The following LAPTM4B variants were observed in gnomAD, a reference collection of about 807,000 sequenced individuals.
The protein encoded by LAPTM4B is lysosomal protein transmembrane 4 beta.
Under a neutral mutation model 28.5 loss-of-function variants are expected in LAPTM4B, and 26 were observed. The observed-to-expected ratio is 0.91, with a 90% CI of 0.67 to 1.27. LAPTM4B has a LOEUF of 1.27. LAPTM4B is among the 50% of genes most tolerant of loss of function. The probability of loss-of-function intolerance (pLI) is 0.00; values close to 1 mark genes in which losing one functional copy is unlikely to be tolerated. For synonymous variants in LAPTM4B, 109 were observed against 106.4 expected, an observed-to-expected ratio of 1.02 and a Z score of -0.15; for missense variants, 288 against 285.8, an observed-to-expected ratio of 1.01 and a Z score of -0.06.
intron 1 of LAPTM4B, among the ~76,000 whole-genome samples, chr8:97,791,770 A>G (rs1307541192): frequency 1.3e-5 from 2 of 152,166 alleles, no homozygotes; most frequent in African/African-American, 4.8e-5. Context: ...TGAAAACTTT[A>G]TGCACCTGTA....
intron 1 of LAPTM4B, among the ~76,000 whole-genome samples, chr8:97,792,126 G>C (rs1026615339): frequency 2.6e-5 from 4 of 152,140 alleles, no homozygotes; most frequent in Non-Finnish European, 5.9e-5. Flanking sequence ...TAACCAAAGA[G>C]ACCATCCTTT....
At chr8:97,843,598 G>A (rs985279100) in intron 6 of LAPTM4B, among the ~76,000 whole-genome samples, 2 of 152,072 alleles carry the variant, frequency 1.3e-5, no homozygotes, top group African/African-American at 2.4e-5. Flanking sequence ...TGGCCAACAC[G>A]GTGAAACTCT....
chr8:97,803,371 C>G (rs1816717034), intron 1 of LAPTM4B, among the ~76,000 whole-genome samples: 1 of 151,722 alleles, frequency 6.6e-6, no homozygotes, highest in Admixed American at 6.6e-5. Flanking sequence ...CTCTGCCTCC[C>G]TGGTTGAAGT....
chr8:97,790,638 G>A (rs927768807), intron 1 of LAPTM4B, among the ~76,000 whole-genome samples: 4 of 151,958 alleles, frequency 2.6e-5, no homozygotes, highest in African/African-American at 7.2e-5. Context: ...TGGAAATGGG[G>A]TTTCACCACA....
chr8:97,776,231 C>A, intron 1 of LAPTM4B, 123 bp downstream of exon 1: 1 of 1,174,764 alleles, frequency 8.5e-7, no homozygotes, highest in Non-Finnish European at 1.1e-6. Flanking sequence ...TTATTAGAAA[C>A]TTAATTCTCC....
Position 97,823,292 on chromosome 8 carries a change from T to G in LAPTM4B, c.508-1766T>G, listed in dbSNP as rs573255090. Among the ~76,000 whole-genome samples the G allele has an allele frequency of 5.3e-5, 8 of 152,270 alleles. No homozygotes were observed. The South Asian group carries it at 1.7e-3, about 32-fold the overall frequency. On this transcript the variant is annotated intron_variant, in intron 5 of 6. Coordinates refer to ENST00000521545, the MANE Select transcript of LAPTM4B (RefSeq NM_018407.6). ...ATGCATGTGGCCTTGCAAAGGCCCTTGAGAATGCCTATTCTGGGCATTCCA... is the reference window on the plus strand; with the variant it reads ...ATGCATGTGGCCTTGCAAAGGCCCTGGAGAATGCCTATTCTGGGCATTCCA...
At chr8:97,811,045 T>C (rs1360881125) in intron 2 of LAPTM4B, among the ~76,000 whole-genome samples, 1 of 152,174 alleles carries the variant, frequency 6.6e-6, no homozygotes, top group South Asian at 2.1e-4. Flanking sequence ...GAATTGCAAA[T>C]TACAGCTACA....
intron 2 of LAPTM4B, among the ~76,000 whole-genome samples, chr8:97,807,540 A>G (rs547410286): frequency 6.6e-6 from 1 of 152,346 alleles, no homozygotes; most frequent in South Asian, 2.1e-4. Context: ...CTAGATTGTT[A>G]TGGCTGGAAC....
At chr8:97,836,008 C>T (rs922589395) in intron 6 of LAPTM4B, among the ~76,000 whole-genome samples, 1 of 152,092 alleles carries the variant, frequency 6.6e-6, no homozygotes, top group Non-Finnish European at 1.5e-5. Flanking sequence ...GCTGCATGCT[C>T]CTTTTGAGAA....
chr8:97,806,110 A>G lies in LAPTM4B; in HGVS notation c.211+646A>G, dbSNP rs78018191. 6.1e-3 allele frequency among the ~76,000 whole-genome samples: 930 copies of G among 152,348 alleles called. 7 individuals are homozygous for G. The highest frequency in any genetic ancestry group is 0.021 in the African/African-American group (876 of 41,588). ...AACTTCAAGTGAGTTTTTCTTAAAA[A>G]GTGTTGGAGCAAAGTAAGAGAGGAG... On this transcript the variant is annotated intron_variant, in intron 2 of 6. Coordinates refer to ENST00000521545, the MANE Select transcript of LAPTM4B (RefSeq NM_018407.6).
chr8:97,787,189 G>A (rs1001248058), intron 1 of LAPTM4B, among the ~76,000 whole-genome samples: 7 of 152,048 alleles, frequency 4.6e-5, no homozygotes, highest in African/African-American at 1.7e-4. Context: ...TTTTAAGGAT[G>A]TGAAATGGAA....
chr8:97,818,204 G>A (rs1010016541), intron 4 of LAPTM4B, among the ~76,000 whole-genome samples: 27 of 152,354 alleles, frequency 1.8e-4, no homozygotes, highest in African/African-American at 6.5e-4. Context: ...CAAGTGAAAG[G>A]AGACTGAAAA....
intron 6 of LAPTM4B, among the ~76,000 whole-genome samples, chr8:97,840,325 T>G (rs1470667176): frequency 6.6e-6 from 1 of 152,250 alleles, no homozygotes; most frequent in Non-Finnish European, 1.5e-5. Context: ...TTGAGTACAA[T>G]CTGTATCAAA....
At chr8:97,815,207 A>C (rs1271000429) in intron 2 of LAPTM4B, 121 bp from the exon 3 acceptor site, 5 of 718,486 alleles carry the variant, frequency 7.0e-6, no homozygotes, top group Non-Finnish European at 9.8e-6. Context: ...TCTTAGTATA[A>C]AGTATTTACT....
chr8:97,838,864 A>G (rs544173741), intron 6 of LAPTM4B, among the ~76,000 whole-genome samples: 1 of 152,300 alleles, frequency 6.6e-6, no homozygotes, highest in South Asian at 2.1e-4. Flanking sequence ...TAACTCAGAA[A>G]AGGGGCGGAA....
chr8:97,804,725 G>T (rs1031733876), intron 1 of LAPTM4B, among the ~76,000 whole-genome samples: 2 of 152,202 alleles, frequency 1.3e-5, no homozygotes, highest in African/African-American at 4.8e-5. Context: ...AGATGTTAAA[G>T]AAGGTGATTG....
At chr8:97,794,861 C>T (rs1352920848) in intron 1 of LAPTM4B, among the ~76,000 whole-genome samples, 1 of 151,988 alleles carries the variant, frequency 6.6e-6, no homozygotes, top group Non-Finnish European at 1.5e-5. Context: ...TTACAGGCAC[C>T]CGCCACCATG....
At chr8:97,819,066 T>C in intron 4 of LAPTM4B, 74 bp from the exon 5 acceptor site, 1 of 899,788 alleles carries the variant, frequency 1.1e-6, no homozygotes, top group East Asian at 2.4e-5. Flanking sequence ...GATAAGCATG[T>C]CTGAATTGGT....
At chr8:97,787,175 A>AT (rs1158813165) in intron 1 of LAPTM4B, among the ~76,000 whole-genome samples, 4 of 151,784 alleles carry the variant, frequency 2.6e-5, no homozygotes, top group Non-Finnish European at 5.9e-5. Context: ...AAGGAGCTTT[A>AT]TTTTTTTAAG....
Sources: gnomAD v4.1 joint callset for allele counts (sites outside exome capture counted in the v4.1 genomes callset) on GRCh38, gnomAD v4.1.1 for gene constraint, MANE v1.5 for transcripts, NCBI Gene and HGNC (gene_info 2026-07-23, HGNC 2026-07-21) for gene names.